The following ADAMTS19 variants were observed in gnomAD, a reference collection of about 807,000 sequenced individuals.
The protein encoded by ADAMTS19 is ADAM metallopeptidase with thrombospondin type 1 motif 19.
Under a neutral mutation model 153.3 loss-of-function variants are expected in ADAMTS19, and 93 were observed. The ratio of observed to expected loss-of-function variants is 0.61; its 90% CI spans 0.51 to 0.72. ADAMTS19 has a LOEUF of 0.72. ADAMTS19 is among the 30% of genes least tolerant of loss of function. The probability of loss-of-function intolerance (pLI) is 0.00; values close to 1 mark genes in which losing one functional copy is unlikely to be tolerated. For synonymous variants in ADAMTS19, 600 were observed against 556.6 expected, an observed-to-expected ratio of 1.08 and a Z score of -1.10; for missense variants, 1,482 against 1,552.1, an observed-to-expected ratio of 0.95 and a Z score of 0.76.
At chr5:129,680,290 A>G (rs1754741896) in intron 17 of ADAMTS19, among the ~76,000 whole-genome samples, 1 of 152,174 alleles carries the variant, frequency 6.6e-6, no homozygotes, top group Non-Finnish European at 1.5e-5. Flanking sequence ...ATGAATGGCC[A>G]TTATCTGACT....
At chr5:129,647,734 T>G (rs1407876616) in intron 11 of ADAMTS19, 31 bp from the exon 12 acceptor site, 1 of 1,607,856 alleles carries the variant, frequency 6.2e-7, no homozygotes, top group Non-Finnish European at 8.5e-7. Context: ...GTGCCCTGAT[T>G]TGTTCACCTA....
intron 18 of ADAMTS19, among the ~76,000 whole-genome samples, chr5:129,692,754 A>G (rs978579650): frequency 4.6e-5 from 7 of 152,172 alleles, no homozygotes; most frequent in Non-Finnish European, 1.0e-4. Flanking sequence ...CCTATAGGCC[A>G]TGATTTTTTC....
intron 10 of ADAMTS19, among the ~76,000 whole-genome samples, chr5:129,627,379 T>C (rs1752096282): frequency 6.6e-6 from 1 of 152,046 alleles, no homozygotes; most frequent in Admixed American, 6.6e-5. Flanking sequence ...AAGACTTAAA[T>C]GTAAAACCTA....
At chr5:129,499,508 C>T (rs1751032153) in intron 2 of ADAMTS19, among the ~76,000 whole-genome samples, 1 of 152,040 alleles carries the variant, frequency 6.6e-6, no homozygotes, top group Admixed American at 6.6e-5. Context: ...TTTAAAATCT[C>T]TATCTCTATT....
intron 2 of ADAMTS19, among the ~76,000 whole-genome samples, chr5:129,472,640 G>T (rs1750104288): frequency 6.6e-6 from 1 of 151,992 alleles, no homozygotes; most frequent in Non-Finnish European, 1.5e-5. Flanking sequence ...GTTGAAATCT[G>T]CTTCCTATTC....
Position 129,461,004 on chromosome 5 carries a change from G to A in ADAMTS19, c.92-98G>A. On this transcript the variant is annotated intron_variant, in intron 1 of 22. Coordinates refer to ENST00000274487, the MANE Select transcript of ADAMTS19 (RefSeq NM_133638.6). This position sits in a 1 kb window ranked among gnomAD's most constrained non-coding sequence, Gnocchi z 4.6. Reference sequence around the variant, plus strand: ...ACGGGTGGTCTCCATTGCATTCAACGCGAGCGCCCTGTATCTATGGACTGT... The same window carrying A: ...ACGGGTGGTCTCCATTGCATTCAACACGAGCGCCCTGTATCTATGGACTGT... 1 of 1,249,304 alleles carries A rather than the reference G, an allele frequency of 8.0e-7. No homozygotes were observed. The highest frequency in any genetic ancestry group is 1.6e-5 in the African/African-American group (1 of 63,650). 77.4% of individuals were successfully genotyped at this position (1,249,304 alleles called of 1,614,324 possible).
intron 17 of ADAMTS19, among the ~76,000 whole-genome samples, chr5:129,681,111 T>C (rs952325385): frequency 3.9e-5 from 6 of 152,256 alleles, no homozygotes; most frequent in African/African-American, 1.4e-4. Context: ...TTGTCTTCAA[T>C]TGGAGACATG....
chr5:129,579,331 G>A (rs571629628), intron 7 of ADAMTS19, among the ~76,000 whole-genome samples: 8 of 152,254 alleles, frequency 5.3e-5, no homozygotes, highest in African/African-American at 9.6e-5. Flanking sequence ...GTAGATTCTG[G>A]ATATTAGACC....
At chr5:129,466,442 T>A (rs1465431144) in intron 2 of ADAMTS19, among the ~76,000 whole-genome samples, 1 of 151,692 alleles carries the variant, frequency 6.6e-6, no homozygotes, top group East Asian at 1.9e-4. Flanking sequence ...TATATATTCA[T>A]GGAAAAAATA....
intron 6 of ADAMTS19, among the ~76,000 whole-genome samples, chr5:129,539,949 C>T (rs1256966774): frequency 6.6e-6 from 1 of 151,930 alleles, no homozygotes; most frequent in Non-Finnish European, 1.5e-5. Flanking sequence ...CCTAAGTGAC[C>T]TAGTACCATT....
chr5:129,725,273 G>A (rs1757159702), intron 21 of ADAMTS19, among the ~76,000 whole-genome samples: 1 of 152,092 alleles, frequency 6.6e-6, no homozygotes, highest in African/African-American at 2.4e-5. Context: ...TTGACCTTTT[G>A]ACTGGGGGTG....
In ADAMTS19 at chr5:129,461,812, C is replaced by A; in HGVS notation, c.747+55C>A. The A allele has an allele frequency of 6.8e-7, 1 of 1,467,522 alleles. No homozygotes were observed. Among genetic ancestry groups the A allele is most frequent in the South Asian group, 1.4e-5 (1 of 70,496 alleles). 90.9% of individuals were successfully genotyped at this position (1,467,522 alleles called of 1,614,324 possible). ...TTTCCCCTGCTGCTCCTCTCCTTGC[C>A]CATAGGTCAGGATGATTTGCATGCA... On this transcript the variant is annotated intron_variant, in intron 2 of 22. Transcript: ENST00000274487. This position sits in a 1 kb window ranked among gnomAD's most constrained non-coding sequence, Gnocchi z 4.6.
At chr5:129,551,582 A>T (rs1478653770) in intron 6 of ADAMTS19, among the ~76,000 whole-genome samples, 3 of 151,772 alleles carry the variant, frequency 2.0e-5, no homozygotes, top group African/African-American at 7.2e-5. Context: ...AAAACAATAG[A>T]ATACTGTAAA....
intron 7 of ADAMTS19, among the ~76,000 whole-genome samples, chr5:129,594,388 G>GA (rs1257719917): frequency 2.6e-5 from 4 of 152,072 alleles, no homozygotes; most frequent in East Asian, 3.9e-4. Context: ...TAGCTGTGGT[G>GA]AAAAAAAGTG....
chr5:129,644,747 A>T (rs1350055824), intron 11 of ADAMTS19, among the ~76,000 whole-genome samples: 2 of 152,220 alleles, frequency 1.3e-5, no homozygotes, highest in Non-Finnish European at 2.9e-5. Flanking sequence ...TTTTACTTAC[A>T]GTACTTACTA....
chr5:129,671,737 C>T (rs1754309615), intron 16 of ADAMTS19, among the ~76,000 whole-genome samples: 3 of 151,868 alleles, frequency 2.0e-5, no homozygotes, highest in Non-Finnish European at 4.4e-5. Flanking sequence ...TTGTCTTGTT[C>T]GTAATTTATC....
At chr5:129,508,991 C>G in intron 2 of ADAMTS19, 86 bp from the exon 3 acceptor site, 1 of 1,199,380 alleles carries the variant, frequency 8.3e-7, no homozygotes, top group Non-Finnish European at 1.1e-6. Flanking sequence ...TGTTTGTTAA[C>G]AAAAACAGAA....
In ADAMTS19 at chr5:129,716,810, T is replaced by C. The variant is rs190950196; in HGVS notation, c.3312+12419T>C. ...TATTCACGAGATGGTTGCATCATTC[T>C]TTCCTATACTCTTAAGTACTTCCAG... On this transcript the variant is annotated intron_variant, in intron 21 of 22. Transcript: ENST00000274487. 1.4e-3 allele frequency among the ~76,000 whole-genome samples: 216 copies of C among 152,310 alleles called. 1 individual carries two copies. Among genetic ancestry groups the C allele is most frequent in the Middle Eastern group, 6.8e-3 (2 of 294 alleles).
chr5:129,578,083 TATACATATAC>T (rs1749266958), intron 7 of ADAMTS19, among the ~76,000 whole-genome samples: 1 of 35,016 alleles, frequency 2.9e-5, no homozygotes, highest in African/African-American at 4.7e-5. Context: ...CACACACATA[TATACATATAC>T]ATACATATAC....
Sources: allele counts gnomAD v4.1 joint callset (sites outside exome capture counted in the v4.1 genomes callset), GRCh38; gene constraint gnomAD v4.1.1; non-coding constraint Gnocchi (gnomAD v3.1); transcripts MANE v1.5; gene names NCBI Gene and HGNC (gene_info 2026-07-23, HGNC 2026-07-21).